Variants in FBXW11 observed in about 807,000 individuals in gnomAD.
The protein encoded by FBXW11 is F-box and WD repeat domain containing 11.
FBXW11 carries 19 observed loss-of-function variants against 77.6 expected under a neutral mutation model. The observed-to-expected ratio is 0.24, with a 90% CI of 0.17 to 0.36. The LOEUF is 0.36. Among genes scored for constraint, FBXW11 ranks in the 10% least tolerant of loss-of-function variants. The pLI, the probability that FBXW11 is intolerant of heterozygous loss-of-function variation, is 1.00. For synonymous variants in FBXW11, 235 were observed against 249.4 expected, an observed-to-expected ratio of 0.94 and a Z score of 0.54; for missense variants, 334 against 704.2, an observed-to-expected ratio of 0.47 and a Z score of 5.95.
chr5:171,978,002 G>A (rs1407483270), intron 1 of FBXW11, among the ~76,000 whole-genome samples: 1 of 152,102 alleles, frequency 6.6e-6, no homozygotes, highest in Non-Finnish European at 1.5e-5. Context: ...ATCTATAAGG[G>A]TACCTAGGGG....
chr5:171,888,477 G>A (rs1759067847), intron 7 of FBXW11, among the ~76,000 whole-genome samples: 1 of 152,216 alleles, frequency 6.6e-6, no homozygotes, highest in African/African-American at 2.4e-5. Flanking sequence ...TTGAACAGTG[G>A]AAAAGAGATT....
intron 2 of FBXW11, among the ~76,000 whole-genome samples, chr5:171,935,025 C>A (rs1320393034): frequency 6.6e-6 from 1 of 152,064 alleles, no homozygotes; most frequent in African/African-American, 2.4e-5. Flanking sequence ...GTGGCTTGAT[C>A]TCACTGCAAG....
At chr5:171,878,551 A>T (rs1758259197) in intron 7 of FBXW11, among the ~76,000 whole-genome samples, 1 of 88,782 alleles carries the variant, frequency 1.1e-5, no homozygotes, top group Non-Finnish European at 2.0e-5. Flanking sequence ...AATCTCCATA[A>T]GAGTGTGTGA....
intron 2 of FBXW11, among the ~76,000 whole-genome samples, chr5:171,938,116 G>T (rs1222034734): frequency 1.3e-5 from 2 of 152,346 alleles, no homozygotes; most frequent in African/African-American, 4.8e-5. Context: ...GAAGTGCAGT[G>T]GCACGATCAT....
chr5:171,876,797 T>A lies in FBXW11; in HGVS notation c.972-263A>T, dbSNP rs1758110165. On this transcript the variant is annotated intron_variant, in intron 8 of 13. Coordinates refer to ENST00000517395, the MANE Select transcript of FBXW11 (RefSeq NM_001378974.1). The surrounding 1 kb of genome is among the most constrained non-coding windows in gnomAD (Gnocchi z 4.2). ...CTTAGTTCCTGAGAGAACAGGTTGT[T>A]GAAAAGAGCCTCCTAGCACCTCCTC... Among the ~76,000 whole-genome samples the A allele has an allele frequency of 6.6e-6, 1 of 152,176 alleles. No homozygotes were observed. Among genetic ancestry groups the A allele is most frequent in the Admixed American group, 6.5e-5 (1 of 15,282 alleles).
At chr5:171,938,404 G>GAAA (rs1287710252) in intron 2 of FBXW11, among the ~76,000 whole-genome samples, 3 of 152,070 alleles carry the variant, frequency 2.0e-5, no homozygotes, top group East Asian at 3.8e-4. Context: ...CCTTAAATAG[G>GAAA]AAAAGATGTT....
chr5:171,875,552 A>G (rs1262371841), intron 9 of FBXW11, among the ~76,000 whole-genome samples: 1 of 152,178 alleles, frequency 6.6e-6, no homozygotes, highest in Non-Finnish European at 1.5e-5. Context: ...CAAATGTACT[A>G]AAGGCCACGG....
At chr5:171,882,318 G>A (rs887872696) in intron 7 of FBXW11, among the ~76,000 whole-genome samples, 2 of 152,044 alleles carry the variant, frequency 1.3e-5, no homozygotes, top group African/African-American at 4.8e-5. Flanking sequence ...GAAGGAGGAG[G>A]GAGAGAAAGT....
intron 2 of FBXW11, among the ~76,000 whole-genome samples, chr5:171,921,582 C>T (rs962689509): frequency 1.3e-5 from 2 of 151,910 alleles, no homozygotes; most frequent in African/African-American, 4.8e-5. Context: ...GAGAAGATCC[C>T]CTACACACAA....
At chr5:171,908,965 T>C (rs941917179) in intron 4 of FBXW11, 161 of 152,384 alleles carry the variant, frequency 1.1e-3, no homozygotes, top group Non-Finnish European at 8.7e-4. Flanking sequence ...TACTGGCTCA[T>C]CCCTGGCTAC....
rs1757570272 is a variant in FBXW11, at chr5:171,868,656, T to C, written c.1671A>G (p.Thr557=). 6.2e-7 allele frequency: 1 copy of C among 1,613,374 alleles called. No individual in the cohort carries two copies. The highest frequency in any genetic ancestry group is 8.5e-7 in the Non-Finnish European group (1 of 1,179,724). The change falls in exon 13 of 14, where the codon ACA becomes ACG. Residue 557 remains threonine (T), a synonymous_variant. Transcript: ENST00000517395. ...ACTGTTATCTAGAGATGTAAGTGTA[T>C]GTTCTGGAGGGAGAACGGGTCTCAT... ...AQNETRSPSR[T]YTYISR
intron 2 of FBXW11, among the ~76,000 whole-genome samples, chr5:171,922,546 A>AT (rs1197785505): frequency 1.3e-5 from 2 of 152,258 alleles, no homozygotes; most frequent in African/African-American, 4.8e-5. Context: ...GAAGAAGGCC[A>AT]TATGTGCTCA....
At chr5:171,917,905 A>G (rs1181743271) in intron 2 of FBXW11, among the ~76,000 whole-genome samples, 1 of 152,060 alleles carries the variant, frequency 6.6e-6, no homozygotes, top group Non-Finnish European at 1.5e-5. Flanking sequence ...TATTATTTTA[A>G]AATTAGGTTA....
At chr5:171,939,842 C>T (rs756459059) in intron 2 of FBXW11, among the ~76,000 whole-genome samples, 14 of 152,024 alleles carry the variant, frequency 9.2e-5, no homozygotes, top group Non-Finnish European at 1.6e-4. Flanking sequence ...TTTCAGGATA[C>T]ACACACTCTT....
intron 1 of FBXW11, among the ~76,000 whole-genome samples, chr5:171,993,500 C>G (rs1322008661): frequency 6.6e-6 from 1 of 152,064 alleles, no homozygotes; most frequent in African/African-American, 2.4e-5. Flanking sequence ...GTAGTCCCAA[C>G]TACTCAGAAG....
intron 7 of FBXW11, 79 bp from the exon 8 acceptor site, chr5:171,878,208 T>C (rs1758231565): frequency 1.0e-6 from 1 of 994,608 alleles, no homozygotes; most frequent in Non-Finnish European, 1.5e-6. Context: ...CCTTATGTTC[T>C]GATTATAAAA....
intron 2 of FBXW11, among the ~76,000 whole-genome samples, chr5:171,954,580 T>A (rs1294259929): frequency 6.6e-6 from 1 of 152,206 alleles, no homozygotes; most frequent in African/African-American, 2.4e-5. Context: ...TCAGGACATC[T>A]GAGGCAAATG....
chr5:171,908,264 C>T (rs904102291), intron 4 of FBXW11, among the ~76,000 whole-genome samples: 3 of 152,128 alleles, frequency 2.0e-5, no homozygotes, highest in African/African-American at 7.2e-5. Flanking sequence ...AGCATGTCTC[C>T]ATCTCCCCCT....
chr5:171,896,399 T>C (rs1256952722), intron 6 of FBXW11, among the ~76,000 whole-genome samples: 1 of 152,182 alleles, frequency 6.6e-6, no homozygotes. Flanking sequence ...AAAACCCTAC[T>C]ACTTTCCCAT....
Sources: allele counts gnomAD v4.1 joint callset (sites outside exome capture counted in the v4.1 genomes callset), GRCh38; gene constraint gnomAD v4.1.1; non-coding constraint Gnocchi (gnomAD v3.1); transcripts MANE v1.5; gene names NCBI Gene and HGNC (gene_info 2026-07-23, HGNC 2026-07-21).